JAM2: variants seen among roughly 807,000 people sequenced by gnomAD.
JAM2 encodes junctional adhesion molecule 2, also known as junctional adhesion molecule B.
A neutral mutation model predicts 42.0 loss-of-function variants in JAM2; 17 were observed. That is an observed-to-expected ratio of 0.40 (90% CI 0.28 to 0.61). The LOEUF is 0.61. JAM2 is among the 20% of genes least tolerant of loss of function. The pLI is 0.37. For synonymous variants in JAM2, 118 were observed against 128.6 expected, an observed-to-expected ratio of 0.92 and a Z score of 0.56; for missense variants, 319 against 358.3, an observed-to-expected ratio of 0.89 and a Z score of 0.89.
chr21:25,684,259 A>G (rs1315942249), intron 2 of JAM2, among the ~76,000 whole-genome samples: 2 of 152,250 alleles, frequency 1.3e-5, no homozygotes, highest in Non-Finnish European at 2.9e-5. Flanking sequence ...CCAGCTAGAT[A>G]TGATACATAG....
chr21:25,689,126 A>G (rs1159850899), intron 2 of JAM2, among the ~76,000 whole-genome samples: 2 of 152,150 alleles, frequency 1.3e-5, no homozygotes, highest in African/African-American at 4.8e-5. Flanking sequence ...TCTTGTAATA[A>G]AAGAACTTAG....
intron 3 of JAM2, chr21:25,692,600 A>C (rs1259601247): frequency 6.6e-6 from 1 of 152,246 alleles, no homozygotes; most frequent in African/African-American, 2.4e-5. Context: ...CTATTTTATA[A>C]TTATTTCTTA....
intron 8 of JAM2, among the ~76,000 whole-genome samples, chr21:25,710,999 T>C (rs1387998578): frequency 6.6e-6 from 1 of 152,220 alleles, no homozygotes; most frequent in Non-Finnish European, 1.5e-5. Context: ...TTGGATATAA[T>C]GTTTTAATAA....
chr21:25,654,639 C>A, intron 1 of JAM2, among the ~76,000 whole-genome samples: 1 of 120,254 alleles, frequency 8.3e-6, no homozygotes, highest in Admixed American at 1.0e-4. Flanking sequence ...CAGAGTGAGA[C>A]TTTCTCTCAA....
At chr21:25,704,476 T>C (rs939699073) in intron 6 of JAM2, among the ~76,000 whole-genome samples, 1 of 152,226 alleles carries the variant, frequency 6.6e-6, no homozygotes, top group African/African-American at 2.4e-5. Flanking sequence ...ATAAGCAGAT[T>C]CACTTAAACA....
chr21:25,708,243 G>A (rs1421280994), intron 7 of JAM2, among the ~76,000 whole-genome samples: 1 of 151,978 alleles, frequency 6.6e-6, no homozygotes, highest in Non-Finnish European at 1.5e-5. Flanking sequence ...AAATGTTTCC[G>A]TGGACATGGA....
At chr21:25,666,201 A>AG (rs147435344) in intron 1 of JAM2, among the ~76,000 whole-genome samples, 3,693 of 152,238 alleles carry the variant, frequency 0.024, 147 homozygotes, top group African/African-American at 0.084. Context: ...CATTTTAAAA[A>AG]AGCAAATAAT....
At chr21:25,695,439 A>G (rs903257182) in intron 4 of JAM2, among the ~76,000 whole-genome samples, 2 of 152,188 alleles carry the variant, frequency 1.3e-5, no homozygotes, top group African/African-American at 4.8e-5. Flanking sequence ...CCCCTTTTCT[A>G]TTCGACAAAA....
Position 25,691,496 on chromosome 21 carries a change from A to G in JAM2, c.241+1523A>G, listed in dbSNP as rs1350237482. On this transcript the variant is annotated intron_variant, in intron 3 of 9. Transcript: ENST00000480456. ...CTCAGCCTTCCAATTGGCTGGGACT[A>G]CAGGTGCAAGCCACCACACCGGGTG... is the stretch of plus-strand genomic sequence containing the variant. Among the ~76,000 whole-genome samples, 8 of 152,340 alleles carry G rather than the reference A, an allele frequency of 5.3e-5. No individual in the cohort carries two copies. In the East Asian group the frequency reaches 1.2e-3, roughly 22 times the overall value.
At chr21:25,694,562 G>A (rs1252612974) in intron 4 of JAM2, among the ~76,000 whole-genome samples, 1 of 152,114 alleles carries the variant, frequency 6.6e-6, no homozygotes, top group African/African-American at 2.4e-5. Flanking sequence ...AGGCACAGGG[G>A]CTTATGCCTC....
rs546276523 is a variant in JAM2, at chr21:25,639,447, T to G, written c.-375T>G. The G allele has an allele frequency of 9.1e-4, 151 of 166,340 alleles. 3 individuals are homozygous for G. The South Asian group carries it at 0.01, about 12-fold the overall frequency. The allele number at this position is 166,340 out of a possible 1,614,324, so 10.3% of individuals were successfully genotyped here. On this transcript the variant is annotated 5_prime_UTR_variant, in exon 1 of 10. Coordinates refer to ENST00000480456, the MANE Select transcript of JAM2 (RefSeq NM_021219.4). ...CCGCGCGGACCAGACACAAAGCCGA[T>G]CAATCCCGGAGGCGTGGGGGCGGAG... is the stretch of plus-strand genomic sequence containing the variant.
chr21:25,712,363 C>A lies in JAM2; in HGVS notation c.845C>A (p.Ala282Asp). 2 of 1,595,076 alleles carry A rather than the reference C, an allele frequency of 1.3e-6. No individual in the cohort carries two copies. The highest frequency in any genetic ancestry group is 1.1e-5 in the South Asian group (1 of 90,282). ...SFQKSNSSSK[A>D]TTMSENDFKH... ...AGGAAGAGTAATTCTTCATCTAAAG[C>A]CACGACAATGAGTGAAAATGTGAGT... Residue 282 changes from alanine (A) to aspartate (D), a missense_variant, in exon 9 of 10, where the codon GCC becomes GAC. Transcript: ENST00000480456.
chr21:25,699,189 C>A (rs2034106365), intron 5 of JAM2, among the ~76,000 whole-genome samples: 1 of 152,168 alleles, frequency 6.6e-6, no homozygotes, highest in Non-Finnish European at 1.5e-5. Context: ...TAAAAAGATT[C>A]TAGAATTGAT....
intron 1 of JAM2, among the ~76,000 whole-genome samples, chr21:25,659,690 AT>A (rs915829633): frequency 6.6e-6 from 1 of 152,168 alleles, no homozygotes; most frequent in African/African-American, 2.4e-5. Flanking sequence ...CTTTTCAAAG[AT>A]TTTTATTAGA....
intron 1 of JAM2, among the ~76,000 whole-genome samples, chr21:25,649,277 G>C (rs2032702664): frequency 6.6e-6 from 1 of 152,194 alleles, no homozygotes; most frequent in African/African-American, 2.4e-5. Flanking sequence ...AAAGGAAAGA[G>C]GTTTAATTGA....
At chr21:25,662,201 G>T (rs1353834390) in intron 1 of JAM2, among the ~76,000 whole-genome samples, 1 of 152,088 alleles carries the variant, frequency 6.6e-6, no homozygotes, top group Non-Finnish European at 1.5e-5. Flanking sequence ...CAGCTGGAGT[G>T]CAGTGATACA....
At chr21:25,665,456 A>G (rs1193452199) in intron 1 of JAM2, among the ~76,000 whole-genome samples, 4 of 152,198 alleles carry the variant, frequency 2.6e-5, no homozygotes, top group African/African-American at 9.7e-5. Flanking sequence ...TGATGCTTGT[A>G]TTAGGGTTGT....
intron 1 of JAM2, among the ~76,000 whole-genome samples, chr21:25,672,155 G>T (rs80018083): frequency 0.087 from 13,039 of 149,230 alleles, 849 homozygotes; most frequent in East Asian, 0.36. Flanking sequence ...TTGCTGTGTT[G>T]CCCAAGCTTG....
intron 1 of JAM2, among the ~76,000 whole-genome samples, chr21:25,654,798 A>G (rs1268413129): frequency 1.3e-5 from 2 of 152,240 alleles, no homozygotes; most frequent in African/African-American, 4.8e-5. Flanking sequence ...CACAAATTAA[A>G]TGACACCACA....
Sources: gnomAD v4.1 joint callset for allele counts (sites outside exome capture counted in the v4.1 genomes callset) on GRCh38, gnomAD v4.1.1 for gene constraint, MANE v1.5 for transcripts, NCBI Gene and HGNC (gene_info 2026-07-23, HGNC 2026-07-21) for gene names.